The following PPP1R12B variants were observed in gnomAD, a reference collection of about 807,000 sequenced individuals.
The protein encoded by PPP1R12B is protein phosphatase 1 regulatory subunit 12B, also known as myosin phosphatase target subunit 2.
In PPP1R12B, 76 loss-of-function variants were observed where a neutral mutation model predicts 126.1. The ratio of observed to expected loss-of-function variants is 0.60; its 90% CI spans 0.50 to 0.73. The LOEUF (loss-of-function observed/expected upper bound fraction) is 0.73, where lower values mean the gene tolerates loss of function less well. Ranked by LOEUF, PPP1R12B falls within the 30% of genes least tolerant of loss-of-function variation. The pLI is 0.00. For synonymous variants in PPP1R12B, 356 were observed against 434.7 expected, an observed-to-expected ratio of 0.82 and a Z score of 2.25; for missense variants, 1,052 against 1,205.1, an observed-to-expected ratio of 0.87 and a Z score of 1.88.
At chr1:202,482,267 T>C (rs909958592) in intron 13 of PPP1R12B, among the ~76,000 whole-genome samples, 2 of 152,226 alleles carry the variant, frequency 1.3e-5, no homozygotes, top group African/African-American at 4.8e-5. Flanking sequence ...GTGGGATTGC[T>C]GAATCATATG....
chr1:202,396,759 C>G (rs545643643), intron 1 of PPP1R12B, among the ~76,000 whole-genome samples: 1 of 152,096 alleles, frequency 6.6e-6, no homozygotes, highest in Non-Finnish European at 1.5e-5. Context: ...ACTATAGGTG[C>G]GTGCCATCAT....
intron 1 of PPP1R12B, among the ~76,000 whole-genome samples, chr1:202,385,996 C>T (rs1290424555): frequency 2.6e-5 from 4 of 151,510 alleles, no homozygotes; most frequent in South Asian, 4.2e-4. Flanking sequence ...TGCAGTGGCA[C>T]GATCTTGGCT....
intron 13 of PPP1R12B, among the ~76,000 whole-genome samples, chr1:202,470,195 A>T (rs1312841008): frequency 6.6e-6 from 1 of 151,684 alleles, no homozygotes; most frequent in Non-Finnish European, 1.5e-5. Context: ...GCAAGCTAGA[A>T]CTCCTTTTTC....
chr1:202,398,032 C>T (rs1410946940), intron 1 of PPP1R12B, among the ~76,000 whole-genome samples: 3 of 152,210 alleles, frequency 2.0e-5, no homozygotes, highest in African/African-American at 7.2e-5. Context: ...CCACCTCAGC[C>T]TCCCGAGTAG....
intron 4 of PPP1R12B, among the ~76,000 whole-genome samples, chr1:202,426,412 T>A (rs1321266407): frequency 2.6e-5 from 4 of 152,158 alleles, no homozygotes; most frequent in African/African-American, 9.7e-5. Flanking sequence ...CCCAATGTGG[T>A]TTGGGTCTTC....
chr1:202,391,514 A>G (rs2148524666), intron 1 of PPP1R12B, among the ~76,000 whole-genome samples: 1 of 152,324 alleles, frequency 6.6e-6, no homozygotes, highest in African/African-American at 2.4e-5. Context: ...TGATCCAGCA[A>G]TTCTACTCCC....
chr1:202,416,673 G>T (rs1253182161), intron 1 of PPP1R12B, 114 bp from the exon 2 acceptor site: 8 of 905,682 alleles, frequency 8.8e-6, no homozygotes, highest in Admixed American at 8.1e-5. Context: ...GGAAGAAATA[G>T]AAATTAATGT....
rs775858711 is a variant in PPP1R12B, at chr1:202,348,810, T to C, written c.-42T>C. On this transcript the variant is annotated 5_prime_UTR_variant, in exon 1 of 24. Transcript: ENST00000608999. ...CGGCAACTCGAGCCCCAACAGTAAT[T>C]TAGTGTTGGTAGTTTTGGCAGCAGC... is the stretch of plus-strand genomic sequence containing the variant. 3 of 1,578,146 alleles carry C rather than the reference T, an allele frequency of 1.9e-6. No homozygotes were observed. The African/African-American group carries it at 4.1e-5, about 21-fold the overall frequency.
intron 1 of PPP1R12B, among the ~76,000 whole-genome samples, chr1:202,382,676 A>G (rs1191720939): frequency 1.3e-5 from 2 of 151,928 alleles, no homozygotes; most frequent in Non-Finnish European, 1.5e-5. Context: ...CAGGAGTTCA[A>G]GACCAGCCTG....
rs1487491848 is a variant in PPP1R12B, at chr1:202,548,365, GTTTTGTTTTT to G, written c.2491-10508_2491-10499del. Among the ~76,000 whole-genome samples, 6 of 152,086 alleles carry G rather than the reference GTTTTGTTTTT, an allele frequency of 3.9e-5. No individual in the cohort carries two copies. In the East Asian group the frequency reaches 9.8e-4, roughly 25 times the overall value. On this transcript the variant is annotated intron_variant, in intron 18 of 23. Coordinates refer to ENST00000608999, the MANE Select transcript of PPP1R12B (RefSeq NM_002481.4). ...AAGTCAGAATGTTTTGTTTTGTTTTGTTTTGTTTTTTTTGAGACAGGATCTCGCTCTGTCA... is the reference window on the plus strand; with the variant it reads ...AAGTCAGAATGTTTTGTTTTGTTTTGTTTGAGACAGGATCTCGCTCTGTCA...
intron 18 of PPP1R12B, among the ~76,000 whole-genome samples, chr1:202,557,886 G>T (rs1197052185): frequency 6.6e-6 from 1 of 152,196 alleles, no homozygotes; most frequent in Admixed American, 6.5e-5. Flanking sequence ...GCTGTAGGGT[G>T]TGGTGTGTTG....
At chr1:202,575,182 G>A (rs971552435) in intron 23 of PPP1R12B, 1 of 1,582,524 alleles carries the variant, frequency 6.3e-7, no homozygotes, top group Non-Finnish European at 8.6e-7. Context: ...CACTACTCCA[G>A]GCAGGTTCAG....
intron 1 of PPP1R12B, among the ~76,000 whole-genome samples, chr1:202,351,528 C>G (rs1159876429): frequency 6.6e-6 from 1 of 152,144 alleles, no homozygotes; most frequent in Non-Finnish European, 1.5e-5. Context: ...CATGAGCCAC[C>G]GCGCATGGCC....
At chr1:202,391,222 T>C (rs986506293) in intron 1 of PPP1R12B, among the ~76,000 whole-genome samples, 2 of 151,914 alleles carry the variant, frequency 1.3e-5, no homozygotes, top group African/African-American at 4.8e-5. Flanking sequence ...GGACAAATAA[T>C]CTAAATAGAC....
chr1:202,567,619 A>T (rs1688181626), intron 21 of PPP1R12B, 159 bp from the exon 22 acceptor site: 1 of 678,852 alleles, frequency 1.5e-6, no homozygotes, highest in Non-Finnish European at 2.5e-6. Flanking sequence ...AGGCTTAGAG[A>T]TCTATCAGAA....
At chr1:202,367,754 A>G (rs1659492800) in intron 1 of PPP1R12B, among the ~76,000 whole-genome samples, 1 of 152,092 alleles carries the variant, frequency 6.6e-6, no homozygotes, top group Non-Finnish European at 1.5e-5. Context: ...AATGCATAGA[A>G]CTTAAATCTA....
At position 202,446,249 on chromosome 1, in the gene PPP1R12B, TA is replaced by T. The variant is rs1205380247; in HGVS notation, c.1668-2739del. On this transcript the variant is annotated intron_variant, in intron 12 of 23. Coordinates refer to ENST00000608999, the MANE Select transcript of PPP1R12B (RefSeq NM_002481.4). ...CTCTCTCTCTCTCTATATATATATA[TA>T]TATATATTTTTTTTTTTTTTTGAGA... Among the ~76,000 whole-genome samples the T allele has an allele frequency of 5.4e-3, 356 of 65,668 alleles. 2 individuals carry two copies. Among genetic ancestry groups the T allele is most frequent in the African/African-American group, 0.026 (341 of 12,980 alleles). 43.1% of individuals were successfully genotyped at this position (65,668 alleles called of 152,430 possible).
chr1:202,465,925 T>C (rs1674919248), intron 13 of PPP1R12B, among the ~76,000 whole-genome samples: 1 of 152,168 alleles, frequency 6.6e-6, no homozygotes, highest in Admixed American at 6.5e-5. Context: ...AGAACTAAAT[T>C]TCTTTATAAT....
intron 1 of PPP1R12B, among the ~76,000 whole-genome samples, chr1:202,361,851 G>A (rs1658273750): frequency 6.6e-6 from 1 of 152,216 alleles, no homozygotes; most frequent in Admixed American, 6.5e-5. Flanking sequence ...TCAGTTTTGG[G>A]CAGTCAACTG....
Sources: allele counts gnomAD v4.1 joint callset (sites outside exome capture counted in the v4.1 genomes callset), GRCh38; gene constraint gnomAD v4.1.1; transcripts MANE v1.5; gene names NCBI Gene and HGNC (gene_info 2026-07-23, HGNC 2026-07-21).